The following BCL2 variants were observed in gnomAD, a reference collection of about 807,000 sequenced individuals.
BCL2 encodes apoptosis regulator Bcl-2.
In BCL2, 1 loss-of-function variant was observed where a neutral mutation model predicts 14.2. That is an observed-to-expected ratio of 0.07 (90% CI 0.02 to 0.33). The LOEUF (loss-of-function observed/expected upper bound fraction) is 0.33, where lower values mean the gene tolerates loss of function less well. Ranked by LOEUF, BCL2 falls within the 10% of genes least tolerant of loss-of-function variation. The pLI is 0.99. For synonymous variants in BCL2, 151 were observed against 137.2 expected, an observed-to-expected ratio of 1.10 and a Z score of -0.70; for missense variants, 247 against 305.9, an observed-to-expected ratio of 0.81 and a Z score of 1.44.
chr18:63,219,897 C>T (rs1170017928), intron 2 of BCL2, among the ~76,000 whole-genome samples: 1 of 152,180 alleles, frequency 6.6e-6, no homozygotes, highest in Non-Finnish European at 1.5e-5. Flanking sequence ...ACTGAATATA[C>T]TAGCGGTAAA....
In BCL2 at chr18:63,290,381, G is replaced by GA. The variant is rs113622230; in HGVS notation, c.585+27700dup. Among the ~76,000 whole-genome samples, 796 of 150,612 alleles carry GA rather than the reference G, an allele frequency of 5.3e-3. 9 individuals carry two copies. The highest frequency in any genetic ancestry group is 0.018 in the African/African-American group (750 of 41,092). On this transcript the variant is annotated intron_variant, in intron 2 of 2. Transcript: ENST00000333681. ...AAAAGGTCCCGCACAAGAGAATCAG[G>GA]AAAAAAAAAGTGAGACAATGAGTCA...
At chr18:63,137,925 A>G (rs1568213057) in intron 2 of BCL2, among the ~76,000 whole-genome samples, 1 of 152,236 alleles carries the variant, frequency 6.6e-6, no homozygotes, top group African/African-American at 2.4e-5. Context: ...GTTTCTAGAC[A>G]TCTATGCAAA....
At chr18:63,157,459 A>G (rs960711587) in intron 2 of BCL2, among the ~76,000 whole-genome samples, 10 of 152,246 alleles carry the variant, frequency 6.6e-5, no homozygotes, top group Admixed American at 2.0e-4. Flanking sequence ...GGCTGTTCAT[A>G]GAACCATGCA....
At chr18:63,266,637 T>TCTCTCTCTCACA (rs1491465885) in intron 2 of BCL2, among the ~76,000 whole-genome samples, 3 of 86,012 alleles carry the variant, frequency 3.5e-5, no homozygotes, top group South Asian at 4.1e-4. Flanking sequence ...TCTCTCTCTC[T>TCTCTCTCTCACA]CACACACACA....
intron 2 of BCL2, among the ~76,000 whole-genome samples, chr18:63,257,215 A>G (rs1434572575): frequency 6.6e-6 from 1 of 152,234 alleles, no homozygotes; most frequent in Non-Finnish European, 1.5e-5. Context: ...AGAATGGCTT[A>G]CCTGTTGCTA....
Position 63,260,070 on chromosome 18 carries a change from G to A in BCL2, c.585+58012C>T, listed in dbSNP as rs554861846. 7.9e-5 allele frequency among the ~76,000 whole-genome samples: 12 copies of A among 151,988 alleles called. No individual in the cohort carries two copies. The East Asian group carries it at 2.3e-3, about 29-fold the overall frequency. On this transcript the variant is annotated intron_variant, in intron 2 of 2. Transcript: ENST00000333681. ...TCCAGAAACCTGATCTATTAGTTGT[G>A]TTTTGAACACGTCTGGCTACTTTTC...
chr18:63,200,060 A>G (rs928111569), intron 2 of BCL2, among the ~76,000 whole-genome samples: 6 of 152,178 alleles, frequency 3.9e-5, no homozygotes, highest in African/African-American at 1.4e-4. Flanking sequence ...TGTTTCCAAC[A>G]TGTTCCTGTT....
intron 2 of BCL2, among the ~76,000 whole-genome samples, chr18:63,197,562 A>G (rs1461148660): frequency 6.6e-6 from 1 of 151,564 alleles, no homozygotes; most frequent in Admixed American, 6.6e-5. Flanking sequence ...GGCGCCAGTC[A>G]CTCCTACAGT....
At chr18:63,210,758 T>A (rs549841452) in intron 2 of BCL2, among the ~76,000 whole-genome samples, 1 of 152,320 alleles carries the variant, frequency 6.6e-6, no homozygotes, top group Admixed American at 6.5e-5. Flanking sequence ...ATAGGTTTTT[T>A]AAAGATCTTT....
In BCL2 at chr18:63,261,114, A is replaced by G. The variant is rs543267210; in HGVS notation, c.585+56968T>C. Among the ~76,000 whole-genome samples, 17 of 152,264 alleles carry G rather than the reference A, an allele frequency of 1.1e-4. No individual in the cohort carries two copies. In the South Asian group the frequency reaches 2.1e-3, roughly 19 times the overall value. ...AGAGGGTATTTTTTATTTCTGCTTGACTTTGTCCATAGAGTGATTTTCCCA... is the reference window on the plus strand; with the variant it reads ...AGAGGGTATTTTTTATTTCTGCTTGGCTTTGTCCATAGAGTGATTTTCCCA... On this transcript the variant is annotated intron_variant, in intron 2 of 2. Coordinates refer to ENST00000333681, the MANE Select transcript of BCL2 (RefSeq NM_000633.3).
intron 2 of BCL2, among the ~76,000 whole-genome samples, chr18:63,249,957 G>A (rs1238263791): frequency 1.3e-5 from 2 of 152,040 alleles, no homozygotes; most frequent in Admixed American, 6.6e-5. Context: ...ATGCCGCACC[G>A]CACACTTGCA....
chr18:63,209,032 C>T (rs1457139938), intron 2 of BCL2, among the ~76,000 whole-genome samples: 2 of 152,184 alleles, frequency 1.3e-5, no homozygotes, highest in Non-Finnish European at 2.9e-5. Context: ...ACCAGTAGTC[C>T]CCAAAAGGTC....
At chr18:63,302,481 C>T (rs1161992870) in intron 2 of BCL2, 1 of 985,110 alleles carries the variant, frequency 1.0e-6, no homozygotes, top group Non-Finnish European at 1.2e-6. Context: ...TTTTTGGCTT[C>T]CTTATGAAAT....
intron 2 of BCL2, among the ~76,000 whole-genome samples, chr18:63,287,502 G>T (rs551683196): frequency 6.6e-6 from 1 of 152,080 alleles, no homozygotes; most frequent in Non-Finnish European, 1.5e-5. Context: ...AGGGGGTGGC[G>T]GGCAGTTTGA....
intron 2 of BCL2, among the ~76,000 whole-genome samples, chr18:63,146,678 T>A (rs1473522968): frequency 6.6e-6 from 1 of 152,244 alleles, no homozygotes; most frequent in East Asian, 1.9e-4. Context: ...TACAATTTTA[T>A]GTGCTTTTCA....
chr18:63,174,596 T>A (rs1180432318), intron 2 of BCL2, among the ~76,000 whole-genome samples: 1 of 151,896 alleles, frequency 6.6e-6, no homozygotes, highest in South Asian at 2.1e-4. Flanking sequence ...GAGGCGGGTG[T>A]ATCACCTGAG....
intron 2 of BCL2, among the ~76,000 whole-genome samples, chr18:63,153,169 C>T (rs1914691568): frequency 6.6e-6 from 1 of 152,180 alleles, no homozygotes; most frequent in African/African-American, 2.4e-5. Context: ...ATCAGTTCTC[C>T]TCTCGTTCTC....
chr18:63,148,461 A>G (rs1914568367), intron 2 of BCL2, among the ~76,000 whole-genome samples: 1 of 152,240 alleles, frequency 6.6e-6, no homozygotes, highest in Admixed American at 6.5e-5. Context: ...ATGAGAAAAG[A>G]ATATAAGAAA....
At chr18:63,159,178 A>C (rs879015222) in intron 2 of BCL2, among the ~76,000 whole-genome samples, 3 of 152,210 alleles carry the variant, frequency 2.0e-5, no homozygotes, top group Admixed American at 2.0e-4. Flanking sequence ...ATGATGACAA[A>C]AAGACTGACT....
Sources: gnomAD v4.1 joint callset for allele counts (sites outside exome capture counted in the v4.1 genomes callset) on GRCh38, gnomAD v4.1.1 for gene constraint, MANE v1.5 for transcripts, NCBI Gene and HGNC (gene_info 2026-07-23, HGNC 2026-07-21) for gene names.